The following NEDD4L variants were observed in gnomAD, a reference collection of about 807,000 sequenced individuals.
The protein encoded by NEDD4L is E3 ubiquitin-protein ligase NEDD4-like.
In NEDD4L, 54 loss-of-function variants were observed where a neutral mutation model predicts 148.9. The observed-to-expected ratio is 0.36, with a 90% CI of 0.29 to 0.45. NEDD4L has a LOEUF of 0.45. NEDD4L is among the 20% of genes least tolerant of loss of function. The pLI, the probability that NEDD4L is intolerant of heterozygous loss-of-function variation, is 1.00. For synonymous variants in NEDD4L, 433 were observed against 440.7 expected (o/e 0.98, Z 0.22); for missense variants, 856 against 1,233.8 (o/e 0.69, Z 4.59).
chr18:58,233,834 T>G (rs2045554187), intron 2 of NEDD4L, among the ~76,000 whole-genome samples: 2 of 152,202 alleles, frequency 1.3e-5, no homozygotes, highest in Non-Finnish European at 2.9e-5. Context: ...CTGAGCCCTA[T>G]GGGAATATCC....
intron 1 of NEDD4L, among the ~76,000 whole-genome samples, chr18:58,057,251 GT>G (rs5825258): frequency 0.59 from 86,835 of 147,896 alleles, 25,826 homozygotes; most frequent in East Asian, 0.84. Context: ...CTGAAAGGAG[GT>G]TTTTTTTTTT....
At chr18:58,176,471 G>C (rs1004340246) in intron 2 of NEDD4L, among the ~76,000 whole-genome samples, 1 of 152,158 alleles carries the variant, frequency 6.6e-6, no homozygotes. Flanking sequence ...CAGTAGCTGG[G>C]AGTACAGGCA....
intron 2 of NEDD4L, among the ~76,000 whole-genome samples, chr18:58,180,935 C>T (rs147065657): frequency 5.6e-4 from 86 of 152,292 alleles, no homozygotes; most frequent in African/African-American, 2.0e-3. Flanking sequence ...GGTTACAGCA[C>T]CCTCTGGTGG....
intron 3 of NEDD4L, among the ~76,000 whole-genome samples, chr18:58,246,230 G>A (rs1322784926): frequency 6.6e-6 from 1 of 152,058 alleles, no homozygotes; most frequent in Non-Finnish European, 1.5e-5. Flanking sequence ...GAAACTTAAA[G>A]TAATTTAAAA....
At chr18:58,063,721 A>G (rs1010983970) in intron 1 of NEDD4L, among the ~76,000 whole-genome samples, 1 of 151,638 alleles carries the variant, frequency 6.6e-6, no homozygotes, top group Non-Finnish European at 1.5e-5. Context: ...ACTCGCCACC[A>G]TGCCCGGCTA....
At chr18:58,135,194 A>G (rs1245963641) in intron 1 of NEDD4L, among the ~76,000 whole-genome samples, 1 of 152,220 alleles carries the variant, frequency 6.6e-6, no homozygotes, top group East Asian at 1.9e-4. Context: ...ACAGTACACG[A>G]TGAATGGATA....
In NEDD4L at chr18:58,064,347, C is replaced by T. The variant is rs1044828833; in HGVS notation, c.48+19639C>T. ...ATCACCATAGCCATCACTATAACAC[C>T]GTAACAAACATGCAAATTTGTTACA... is the stretch of plus-strand genomic sequence containing the variant. On this transcript the variant is annotated intron_variant, in intron 1 of 30. Transcript: ENST00000400345. Among the ~76,000 whole-genome samples, 138 of 152,140 alleles carry T rather than the reference C, an allele frequency of 9.1e-4. 5 individuals carry two copies. The highest frequency in any genetic ancestry group is 1.6e-4 in the Non-Finnish European group (11 of 68,028).
intron 21 of NEDD4L, chr18:58,367,326 GCAAAC>G: frequency 6.0e-6 from 1 of 165,858 alleles, no homozygotes; most frequent in Non-Finnish European, 1.3e-5. Flanking sequence ...TGGGCCCATA[GCAAAC>G]ATCTTATGGC....
chr18:58,127,807 C>G (rs2031392009), intron 1 of NEDD4L, among the ~76,000 whole-genome samples: 1 of 144,958 alleles, frequency 6.9e-6, no homozygotes, highest in African/African-American at 2.6e-5. Flanking sequence ...TGCCACTGCA[C>G]TCCAGCCTGG....
In NEDD4L at chr18:58,397,257, C is replaced by G. The variant is rs141574331; in HGVS notation, c.*988C>G. 1 of 152,620 alleles carries G rather than the reference C, an allele frequency of 6.6e-6. No homozygotes were observed. Among genetic ancestry groups the G allele is most frequent in the Non-Finnish European group, 1.5e-5 (1 of 68,028 alleles). The allele number at this position is 152,620 out of a possible 1,614,324, so 9.5% of individuals were successfully genotyped here. On this transcript the variant is annotated 3_prime_UTR_variant, in exon 31 of 31. Transcript: ENST00000400345. ...ATCTGTTTAGTCTCCTGTTTGTATG[C>G]GTTTGCTAATGGTAGCTAAATAACC...
chr18:58,183,963 A>T (rs1017272554), intron 2 of NEDD4L, among the ~76,000 whole-genome samples: 9 of 152,270 alleles, frequency 5.9e-5, no homozygotes, highest in South Asian at 2.1e-4. Flanking sequence ...AGGTCAGGAG[A>T]TCAAGGCCAT....
intron 1 of NEDD4L, among the ~76,000 whole-genome samples, chr18:58,114,906 C>T (rs763890294): frequency 2.8e-4 from 42 of 152,238 alleles, no homozygotes; most frequent in Non-Finnish European, 4.4e-5. Flanking sequence ...CTTCTGCCTC[C>T]CTTTGCACTT....
rs757499093 is a variant in NEDD4L, at chr18:58,349,647, A to T, written c.1653+33A>T. ...CACTGGAGACACATGGAATGGTCTG[A>T]ATATGTGTGTTCCTTTATCCGCTCA... is the stretch of plus-strand genomic sequence containing the variant. On this transcript the variant is annotated intron_variant, in intron 17 of 30. Coordinates refer to ENST00000400345, the MANE Select transcript of NEDD4L (RefSeq NM_001144967.3). The T allele has an allele frequency of 4.0e-6, 6 of 1,507,174 alleles. No individual in the cohort carries two copies. The Admixed American group carries it at 1.0e-4, about 25-fold the overall frequency. 93.4% of individuals were successfully genotyped at this position (1,507,174 alleles called of 1,614,324 possible).
At chr18:58,172,548 C>G (rs1408560297) in intron 2 of NEDD4L, among the ~76,000 whole-genome samples, 1 of 152,154 alleles carries the variant, frequency 6.6e-6, no homozygotes, top group Non-Finnish European at 1.5e-5. Flanking sequence ...CACTGTTGTT[C>G]TTTTTGCAGA....
At chr18:58,070,839 AC>A (rs1391007375) in intron 1 of NEDD4L, among the ~76,000 whole-genome samples, 1 of 152,094 alleles carries the variant, frequency 6.6e-6, no homozygotes, top group East Asian at 1.9e-4. Context: ...TACATGGCAA[AC>A]AAAAAACAAA....
At chr18:58,130,675 T>A (rs530392366) in intron 1 of NEDD4L, among the ~76,000 whole-genome samples, 15 of 140,434 alleles carry the variant, frequency 1.1e-4, no homozygotes, top group African/African-American at 3.5e-4. Context: ...AGCAGAACAG[T>A]GGCGGTGTTG....
intron 2 of NEDD4L, among the ~76,000 whole-genome samples, chr18:58,188,466 C>T (rs2039718830): frequency 1.3e-5 from 2 of 152,158 alleles, no homozygotes; most frequent in Admixed American, 1.3e-4. Flanking sequence ...GACTGGGAAA[C>T]AGAGTCTGGG....
intron 5 of NEDD4L, among the ~76,000 whole-genome samples, chr18:58,269,810 A>C (rs1449185806): frequency 6.6e-6 from 1 of 152,040 alleles, no homozygotes; most frequent in African/African-American, 2.4e-5. Flanking sequence ...CCCCAAATCT[A>C]TATTGTGTTC....
At chr18:58,109,561 GT>G (rs772954089) in intron 1 of NEDD4L, among the ~76,000 whole-genome samples, 6,101 of 135,726 alleles carry the variant, frequency 0.045, 433 homozygotes, top group African/African-American at 0.14. Flanking sequence ...CAACTAGGAG[GT>G]TTTTTTTTTG....
Sources: allele counts gnomAD v4.1 joint callset (sites outside exome capture counted in the v4.1 genomes callset), GRCh38; gene constraint gnomAD v4.1.1; transcripts MANE v1.5; gene names NCBI Gene and HGNC (gene_info 2026-07-23, HGNC 2026-07-21).